EVC2: variants seen among roughly 807,000 people sequenced by gnomAD.
EVC2 encodes limbin.
EVC2 carries 148 observed loss-of-function variants against 149.3 expected under a neutral mutation model. The observed-to-expected ratio is 0.99, with a 90% CI of 0.87 to 1.14. EVC2 has a LOEUF of 1.14. Among genes scored for constraint, EVC2 ranks in the 50% most tolerant of loss-of-function variants. The probability of loss-of-function intolerance (pLI) is 0.00; values close to 1 mark genes in which losing one functional copy is unlikely to be tolerated. For synonymous variants in EVC2, 776 were observed against 649.9 expected (o/e 1.19, Z -2.95); for missense variants, 1,854 against 1,627.3 (o/e 1.14, Z -2.40).
At chr4:5,704,497 A>T (rs190622988) in intron 1 of EVC2, among the ~76,000 whole-genome samples, 1 of 152,192 alleles carries the variant, frequency 6.6e-6, no homozygotes, top group East Asian at 1.9e-4. Flanking sequence ...AGGCATGCAG[A>T]TCCACGGTGG....
At position 5,637,692 on chromosome 4, in the gene EVC2, G is replaced by A. The variant is rs12648800; in HGVS notation, c.1470+2822C>T. On this transcript the variant is annotated intron_variant, in intron 10 of 21. Coordinates refer to ENST00000344408, the MANE Select transcript of EVC2 (RefSeq NM_147127.5). This position sits in a 1 kb window ranked among gnomAD's most constrained non-coding sequence, Gnocchi z 4.4. ...AAATGTATGCTGGCAACTGAGGGCAGGTGTGAAGGCTGCCTGAGCCATCCC... is the reference window on the plus strand; with the variant it reads ...AAATGTATGCTGGCAACTGAGGGCAAGTGTGAAGGCTGCCTGAGCCATCCC... 0.22 allele frequency among the ~76,000 whole-genome samples: 32,957 copies of A among 152,070 alleles called. 4,502 individuals carry two copies. The highest frequency in any genetic ancestry group is 0.61 in the East Asian group (3,128 of 5,160).
At chr4:5,616,192 C>T (rs1715233844) in intron 15 of EVC2, among the ~76,000 whole-genome samples, 1 of 152,168 alleles carries the variant, frequency 6.6e-6, no homozygotes, top group Non-Finnish European at 1.5e-5. Flanking sequence ...ATTCCCCTCC[C>T]CACCTTCCCT....
intron 16 of EVC2, among the ~76,000 whole-genome samples, chr4:5,593,489 A>G (rs1264268877): frequency 1.3e-5 from 2 of 152,232 alleles, no homozygotes; most frequent in Admixed American, 6.5e-5. Flanking sequence ...TGCTGGTAAC[A>G]TTATCAAGAA....
rs896966363 is a variant in EVC2, at chr4:5,640,989, C to A, written c.1146-151G>T. 4 of 892,942 alleles carry A rather than the reference C, an allele frequency of 4.5e-6. No individual in the cohort carries two copies. Among genetic ancestry groups the A allele is most frequent in the African/African-American group, 1.7e-5 (1 of 59,870 alleles). The allele number at this position is 892,942 out of a possible 1,614,324, so 55.3% of individuals were successfully genotyped here. A position where few individuals can be genotyped will look rare whatever the true frequency, so the allele number is the denominator to read the frequency against. ...TTTCCCCGCTCACTTCTGCTTCATC[C>A]AGTTATTGAAGGCCATTAGCTGACT... On this transcript the variant is annotated intron_variant, in intron 9 of 21. Coordinates refer to ENST00000344408, the MANE Select transcript of EVC2 (RefSeq NM_147127.5). The surrounding 1 kb of genome is among the most constrained non-coding windows in gnomAD (Gnocchi z 4.6).
In EVC2 at chr4:5,685,470, G is replaced by T. The variant is rs758545762; in HGVS notation, c.716C>A (p.Ala239Asp). The change falls in exon 6 of 22, where the codon GCC (alanine) becomes GAC (aspartate). Residue 239 changes from alanine to aspartate, a missense_variant. Coordinates refer to ENST00000344408, the MANE Select transcript of EVC2 (RefSeq NM_147127.5). ...CGTGGCTGCGTAGCTGACAGCAAAG[G>T]CATCTCCCACTGCGCAGAGAAAAGC... Reference protein sequence around the residue: ...FSKKFLQVGDAFAVSYAATLQ... With the variant: ...FSKKFLQVGDDFAVSYAATLQ... 10 of 1,614,026 alleles carry T rather than the reference G, an allele frequency of 6.2e-6. No individual in the cohort carries two copies. In the Admixed American group the frequency reaches 1.5e-4, roughly 24 times the overall value.
chr4:5,570,861 G>A (rs1722601779), intron 19 of EVC2, among the ~76,000 whole-genome samples: 1 of 152,170 alleles, frequency 6.6e-6, no homozygotes, highest in African/African-American at 2.4e-5. Context: ...GGATGGAGCT[G>A]GAGGCCATTA....
Position 5,637,251 on chromosome 4 carries a change from G to A in EVC2, c.1470+3263C>T, listed in dbSNP as rs539197553. 5.3e-5 allele frequency among the ~76,000 whole-genome samples: 8 copies of A among 152,314 alleles called. No homozygotes were observed. The highest frequency in any genetic ancestry group is 1.9e-4 in the African/African-American group (8 of 41,558). ...CTAGAAACATTCTAGGTGCCCCACA[G>A]GACGGGTTCACATGGGGCGCACAGC... is the stretch of plus-strand genomic sequence containing the variant. On this transcript the variant is annotated intron_variant, in intron 10 of 21. Transcript: ENST00000344408. The surrounding 1 kb of genome is among the most constrained non-coding windows in gnomAD (Gnocchi z 4.4).
At chr4:5,628,971 G>A (rs1159086109) in intron 11 of EVC2, among the ~76,000 whole-genome samples, 1 of 152,154 alleles carries the variant, frequency 6.6e-6, no homozygotes, top group Non-Finnish European at 1.5e-5. Context: ...AGAGTTATCA[G>A]AACAACTTCA....
At chr4:5,682,872 A>T (rs1283215592) in intron 6 of EVC2, among the ~76,000 whole-genome samples, 1 of 152,036 alleles carries the variant, frequency 6.6e-6, no homozygotes, top group African/African-American at 2.4e-5. Flanking sequence ...AAAAAAAAAA[A>T]AAAGAACCAG....
chr4:5,534,359 G>A, the EVC2 span, among the ~76,000 whole-genome samples: 1 of 152,214 alleles, frequency 6.6e-6, no homozygotes, highest in East Asian at 1.9e-4. Flanking sequence ...CAGCGAGTGA[G>A]TGGATGGATG....
intron 19 of EVC2, 120 bp downstream of exon 19, chr4:5,574,565 G>A (rs1483065621): frequency 1.0e-5 from 10 of 994,462 alleles, no homozygotes; most frequent in Non-Finnish European, 1.4e-5. Flanking sequence ...CATCTGCTCT[G>A]CAGGTTCCAA....
chr4:5,634,892 G>A (rs1716785080), intron 10 of EVC2, among the ~76,000 whole-genome samples: 1 of 152,090 alleles, frequency 6.6e-6, no homozygotes, highest in African/African-American at 2.4e-5. Context: ...CCTGCCTGTA[G>A]GGGCAGCCTC....
Position 5,665,574 on chromosome 4 carries a change from C to T in EVC2, c.946G>A (p.Ala316Thr). 1 of 1,614,172 alleles carries T rather than the reference C, an allele frequency of 6.2e-7. No individual in the cohort carries two copies. Among genetic ancestry groups the T allele is most frequent in the Admixed American group, 1.7e-5 (1 of 60,022 alleles). ...FLLSLVLTWA[A>T]LFLMVRYQCL... ...TGATAGCGAACCATGAGGAAGAGGG[C>T]AGCCCAGGTCAGCACAAGGGAGAGG... The change falls in exon 8 of 22, where the codon GCC becomes ACC. Residue 316 changes from alanine to threonine, a missense_variant. Ala to Thr is a moderately conservative substitution (Grantham distance 58). Transcript: ENST00000344408.
chr4:5,653,442 C>T lies in EVC2; in HGVS notation c.1145+9665G>A, dbSNP rs1214233979. 2.6e-5 allele frequency among the ~76,000 whole-genome samples: 4 copies of T among 152,342 alleles called. No homozygotes were observed. In the East Asian group the frequency reaches 7.7e-4, roughly 29 times the overall value. The stretch of plus-strand genomic sequence containing the variant: ...GCCAGATGACTACTAAGATCCTTTG[C>T]AGTATCCAGATTCTAAGATTCTGTT... On this transcript the variant is annotated intron_variant, in intron 9 of 21. Coordinates refer to ENST00000344408, the MANE Select transcript of EVC2 (RefSeq NM_147127.5).
In EVC2 at chr4:5,701,998, T is replaced by C. The variant is rs527454327; in HGVS notation, c.229-4351A>G. On this transcript the variant is annotated intron_variant, in intron 1 of 21. Coordinates refer to ENST00000344408, the MANE Select transcript of EVC2 (RefSeq NM_147127.5). ...CCCGCCTGCCTGCTTGCCACTTTCC[T>C]GCTCACACATCCGCCTGCCATCTAT... 2.6e-5 allele frequency among the ~76,000 whole-genome samples: 4 copies of C among 152,146 alleles called. No individual in the cohort carries two copies. In the East Asian group the frequency reaches 7.8e-4, roughly 30 times the overall value.
downstream of EVC2, among the ~76,000 whole-genome samples, chr4:5,561,843 A>C (rs982878280): frequency 6.6e-6 from 1 of 152,180 alleles, no homozygotes; most frequent in South Asian, 2.1e-4. Context: ...AGCAACTCTC[A>C]TATGACAGAT....
At chr4:5,538,615 T>C (rs1721461627), downstream of EVC2, among the ~76,000 whole-genome samples, 3 of 152,250 alleles carry the variant, frequency 2.0e-5, no homozygotes, top group Admixed American at 1.3e-4. Context: ...CAAAAAAGAA[T>C]AGTATATCAT....
rs1721474866 is a variant in EVC2, at chr4:5,696,328, C to T, written c.283+1265G>A. On this transcript the variant is annotated intron_variant, in intron 2 of 21. Coordinates refer to ENST00000344408, the MANE Select transcript of EVC2 (RefSeq NM_147127.5). The surrounding 1 kb of genome is among the most constrained non-coding windows in gnomAD (Gnocchi z 4.1). Reference sequence around the variant, plus strand: ...AGTGATCCCTCCCTTCAGAGAGGACCCCTCCTCTATTCAGCAAGAATCCCG... The same window carrying T: ...AGTGATCCCTCCCTTCAGAGAGGACTCCTCCTCTATTCAGCAAGAATCCCG... Among the ~76,000 whole-genome samples, 1 of 152,186 alleles carries T rather than the reference C, an allele frequency of 6.6e-6. No homozygotes were observed. The highest frequency in any genetic ancestry group is 1.5e-5 in the Non-Finnish European group (1 of 68,032).
intron 16 of EVC2, among the ~76,000 whole-genome samples, chr4:5,593,411 C>T (rs1002672378): frequency 6.6e-6 from 1 of 152,186 alleles, no homozygotes; most frequent in East Asian, 1.9e-4. Context: ...TTGTCTTATG[C>T]TCCTTGGTTA....
Sources: gnomAD v4.1 joint callset for allele counts (sites outside exome capture counted in the v4.1 genomes callset) on GRCh38, gnomAD v4.1.1 for gene constraint, Gnocchi (gnomAD v3.1) non-coding constraint, MANE v1.5 for transcripts, NCBI Gene and HGNC (gene_info 2026-07-23, HGNC 2026-07-21) for gene names.